The following SRPK2 variants were observed in gnomAD, a reference collection of about 807,000 sequenced individuals.
SRPK2 encodes SRSF protein kinase 2.
Under a neutral mutation model 90.8 loss-of-function variants are expected in SRPK2, and 21 were observed. The observed-to-expected ratio is 0.23, with a 90% CI of 0.16 to 0.33. SRPK2 has a LOEUF of 0.33. SRPK2 is among the 10% of genes least tolerant of loss of function. The pLI is 1.00. For synonymous variants in SRPK2, 288 were observed against 311.1 expected (o/e 0.93, Z 0.78); for missense variants, 620 against 869.0 (o/e 0.71, Z 3.60).
chr7:105,260,632 C>A (rs1445590632), intron 2 of SRPK2, among the ~76,000 whole-genome samples: 2 of 152,124 alleles, frequency 1.3e-5, no homozygotes, highest in African/African-American at 2.4e-5. Flanking sequence ...TGGAACCAAC[C>A]CAAATGTCCA....
At chr7:105,266,486 A>G (rs1175768731) in intron 2 of SRPK2, among the ~76,000 whole-genome samples, 1 of 152,178 alleles carries the variant, frequency 6.6e-6, no homozygotes, top group African/African-American at 2.4e-5. Flanking sequence ...GTGGTGAATG[A>G]TAACTTTTGG....
chr7:105,305,592 T>C (rs969829021), intron 2 of SRPK2, among the ~76,000 whole-genome samples: 6 of 152,182 alleles, frequency 3.9e-5, no homozygotes, highest in African/African-American at 9.7e-5. Context: ...CTGTGTAATT[T>C]TGGGGAGAGT....
At chr7:105,383,878 T>C (rs888054914) in intron 2 of SRPK2, among the ~76,000 whole-genome samples, 2 of 152,224 alleles carry the variant, frequency 1.3e-5, no homozygotes, top group Non-Finnish European at 2.9e-5. Context: ...CCACATACTG[T>C]ATATTCCATT....
intron 2 of SRPK2, among the ~76,000 whole-genome samples, chr7:105,388,290 G>T (rs1821878872): frequency 6.6e-6 from 1 of 151,532 alleles, no homozygotes; most frequent in African/African-American, 2.4e-5. Context: ...CAGACGCCGG[G>T]GCCCCTTCCG....
chr7:105,178,332 T>C lies in SRPK2; in HGVS notation c.230-9067A>G, dbSNP rs140475393. Among the ~76,000 whole-genome samples, 467 of 152,282 alleles carry C rather than the reference T, an allele frequency of 3.1e-3. 14 individuals are homozygous for C. The East Asian group carries it at 0.062, about 20-fold the overall frequency. On this transcript the variant is annotated intron_variant, in intron 3 of 15. Transcript: ENST00000393651. The stretch of plus-strand genomic sequence containing the variant: ...CCTCTGGCACAACCATTAAACTCCC[T>C]TGAAACTGGAAGAAATTCAAAAGCA...
At chr7:105,296,090 A>G (rs1385367867) in intron 2 of SRPK2, among the ~76,000 whole-genome samples, 5 of 51,536 alleles carry the variant, frequency 9.7e-5, no homozygotes, top group Non-Finnish European at 2.6e-4. Context: ...CCTACTAAAG[A>G]ATGGCTCTGA....
intron 2 of SRPK2, among the ~76,000 whole-genome samples, chr7:105,294,023 A>G (rs2131095992): frequency 6.6e-6 from 1 of 152,252 alleles, no homozygotes; most frequent in African/African-American, 2.4e-5. Context: ...ACCTAATCCA[A>G]TCCCTCGGAG....
chr7:105,238,246 A>AATC (rs1360670054), intron 2 of SRPK2, among the ~76,000 whole-genome samples: 4 of 152,202 alleles, frequency 2.6e-5, no homozygotes, highest in Non-Finnish European at 4.4e-5. Context: ...AAGGTAACAA[A>AATC]ATCATCATCG....
At chr7:105,226,963 G>C (rs1798789249) in intron 2 of SRPK2, among the ~76,000 whole-genome samples, 1 of 152,110 alleles carries the variant, frequency 6.6e-6, no homozygotes, top group Non-Finnish European at 1.5e-5. Context: ...AATAAAGAGA[G>C]AGCGAGCAGT....
intron 6 of SRPK2, among the ~76,000 whole-genome samples, chr7:105,167,166 G>A (rs183495374): frequency 6.6e-6 from 1 of 152,102 alleles, no homozygotes; most frequent in African/African-American, 2.4e-5. Context: ...TCAAGTTGTT[G>A]TGTTAAAAAT....
chr7:105,357,397 A>AC (rs1224611318), intron 2 of SRPK2, among the ~76,000 whole-genome samples: 1 of 152,170 alleles, frequency 6.6e-6, no homozygotes, highest in Non-Finnish European at 1.5e-5. Flanking sequence ...ATCATGTCTT[A>AC]GTCTCCTCCC....
At chr7:105,126,391 G>T in intron 14 of SRPK2, 51 bp from the exon 15 acceptor site, 1 of 1,350,078 alleles carries the variant, frequency 7.4e-7, no homozygotes, top group Non-Finnish European at 1.1e-6. Context: ...CAAAGGGAAG[G>T]ATGGGATAAA....
chr7:105,176,557 ATGTGTGTGTGTG>A (rs10691783), intron 3 of SRPK2, among the ~76,000 whole-genome samples: 1 of 148,030 alleles, frequency 6.8e-6, no homozygotes, highest in Non-Finnish European at 1.5e-5. Context: ...TTTTGCATAT[ATGTGTGTGTGTG>A]TGTGTGTGTG....
At chr7:105,255,319 G>A (rs77462620) in intron 2 of SRPK2, among the ~76,000 whole-genome samples, 6,041 of 151,638 alleles carry the variant, frequency 0.04, 183 homozygotes, top group Non-Finnish European at 0.063. Flanking sequence ...GCAAATACCC[G>A]TATCTGCGTG....
At chr7:105,187,683 CA>C (rs1219769952) in intron 3 of SRPK2, among the ~76,000 whole-genome samples, 16 of 152,258 alleles carry the variant, frequency 1.1e-4, no homozygotes, top group Non-Finnish European at 5.9e-5. Flanking sequence ...CCAACACAGG[CA>C]AAATTACTAT....
At chr7:105,358,223 C>CAAAA (rs976713048) in intron 2 of SRPK2, among the ~76,000 whole-genome samples, 50 of 53,360 alleles carry the variant, frequency 9.4e-4, no homozygotes, top group African/African-American at 1.0e-3. Context: ...GACTCCGTCT[C>CAAAA]AAAAAAAAAA....
rs573717711 is a variant in SRPK2 at position 105,323,307 on chromosome 7, C to G, written c.71+65341G>C. On this transcript the variant is annotated intron_variant, in intron 2 of 15. Transcript: ENST00000393651. Reference sequence around the variant, plus strand: ...AAAGTATACACTAAAACTTCCTTAACAAAATTCAAAAACAAATGAAGGTAA... The same window carrying G: ...AAAGTATACACTAAAACTTCCTTAAGAAAATTCAAAAACAAATGAAGGTAA... Among the ~76,000 whole-genome samples, 5 of 152,234 alleles carry G rather than the reference C, an allele frequency of 3.3e-5. No individual in the cohort carries two copies. In the East Asian group the frequency reaches 9.6e-4, roughly 29 times the overall value.
At chr7:105,132,139 G>C (rs1284189922) in intron 13 of SRPK2, among the ~76,000 whole-genome samples, 10 of 152,258 alleles carry the variant, frequency 6.6e-5, no homozygotes, top group Non-Finnish European at 7.3e-5. Context: ...CTGCCGCCCT[G>C]TGGAAGCCGT....
At chr7:105,284,427 C>T (rs770110195) in intron 2 of SRPK2, among the ~76,000 whole-genome samples, 2 of 152,184 alleles carry the variant, frequency 1.3e-5, no homozygotes, top group Non-Finnish European at 2.9e-5. Flanking sequence ...AATGGCAGAG[C>T]TGTTCCCAGA....
Sources: allele counts gnomAD v4.1 joint callset (sites outside exome capture counted in the v4.1 genomes callset), GRCh38; gene constraint gnomAD v4.1.1; transcripts MANE v1.5; gene names NCBI Gene and HGNC (gene_info 2026-07-23, HGNC 2026-07-21).